Variants in ATP9B observed in about 807,000 individuals in gnomAD.
ATP9B encodes ATPase phospholipid transporting 9B.
In ATP9B, 110 loss-of-function variants were observed where a neutral mutation model predicts 146.1. The ratio of observed to expected loss-of-function variants is 0.75; its 90% CI spans 0.65 to 0.88. The LOEUF (loss-of-function observed/expected upper bound fraction) is 0.88. Among genes scored for constraint, ATP9B ranks in the 40% least tolerant of loss-of-function variants. The pLI, the probability that ATP9B is intolerant of heterozygous loss-of-function variation, is 0.00. For missense variants in ATP9B, 1,499 were observed against 1,496.4 expected (o/e 1.00, Z -0.03); for synonymous variants, 604 against 569.7 (o/e 1.06, Z -0.86).
Position 79,377,477 on chromosome 18 carries a change from A to AC in ATP9B, c.*96dup. 6.8e-7 allele frequency: 1 copy of AC among 1,472,734 alleles called. No homozygotes were observed. The highest frequency in any genetic ancestry group is 2.4e-5 in the East Asian group (1 of 41,366). The allele number at this position is 1,472,734 out of a possible 1,614,324, so 91.2% of individuals were successfully genotyped here. On this transcript the variant is annotated 3_prime_UTR_variant, in exon 30 of 30. Coordinates refer to ENST00000426216, the MANE Select transcript of ATP9B (RefSeq NM_198531.5). ...AGTGAACGCAGGGTTTGCCATTGCT[A>AC]CCAAGCAAGCACCACAAGAAAGGGA...
At chr18:79,209,787 G>A (rs1452781373) in intron 10 of ATP9B, 5 of 546,616 alleles carry the variant, frequency 9.1e-6, no homozygotes, top group Non-Finnish European at 1.2e-5. Flanking sequence ...AGCTCTTTTA[G>A]TACATACATA....
At chr18:79,098,515 T>A (rs1376490364) in intron 2 of ATP9B, among the ~76,000 whole-genome samples, 1 of 150,776 alleles carries the variant, frequency 6.6e-6, no homozygotes, top group African/African-American at 2.5e-5. Flanking sequence ...GAATCTACAA[T>A]GAACTCAAAC....
chr18:79,305,877 C>G (rs1367777319), intron 14 of ATP9B, among the ~76,000 whole-genome samples: 1 of 152,190 alleles, frequency 6.6e-6, no homozygotes, highest in African/African-American at 2.4e-5. Context: ...CAACACAGAT[C>G]TTTTATAACC....
chr18:79,097,492 T>A (rs2074894821), intron 2 of ATP9B, among the ~76,000 whole-genome samples: 1 of 150,532 alleles, frequency 6.6e-6, no homozygotes, highest in Non-Finnish European at 1.5e-5. Context: ...AATTTTTTAT[T>A]TTTTTATTTT....
At chr18:79,366,494 A>G (rs1303682685) in intron 26 of ATP9B, among the ~76,000 whole-genome samples, 4 of 152,270 alleles carry the variant, frequency 2.6e-5, no homozygotes, top group Non-Finnish European at 5.9e-5. Flanking sequence ...CAATAAGCCC[A>G]TGCATGGTAG....
intron 6 of ATP9B, among the ~76,000 whole-genome samples, chr18:79,152,085 A>G (rs1206699391): frequency 2.0e-5 from 3 of 152,248 alleles, no homozygotes; most frequent in South Asian, 4.1e-4. Flanking sequence ...GCTCATCATC[A>G]TTGGTCATTA....
At chr18:79,197,655 G>A (rs1003023435) in intron 9 of ATP9B, among the ~76,000 whole-genome samples, 1 of 152,186 alleles carries the variant, frequency 6.6e-6, no homozygotes, top group Non-Finnish European at 1.5e-5. Flanking sequence ...GAGGTCAGTA[G>A]AGGTGATGAA....
At chr18:79,219,734 T>C (rs964813914) in intron 11 of ATP9B, among the ~76,000 whole-genome samples, 4 of 152,136 alleles carry the variant, frequency 2.6e-5, no homozygotes, top group Non-Finnish European at 4.4e-5. Context: ...CATTACAGTG[T>C]GTATAGCAGG....
intron 6 of ATP9B, among the ~76,000 whole-genome samples, chr18:79,147,732 G>A (rs2094614604): frequency 6.6e-6 from 1 of 151,790 alleles, no homozygotes; most frequent in Non-Finnish European, 1.5e-5. Context: ...AGAGGTCTTG[G>A]GTCAGTAATC....
intron 11 of ATP9B, among the ~76,000 whole-genome samples, chr18:79,244,963 A>AT (rs145670327): frequency 0.02 from 3,043 of 152,300 alleles, 117 homozygotes; most frequent in African/African-American, 0.069. Flanking sequence ...AATAGAATCT[A>AT]TTTTTTATAT....
chr18:79,301,011 C>A (rs1195790798), intron 13 of ATP9B, among the ~76,000 whole-genome samples: 1 of 152,214 alleles, frequency 6.6e-6, no homozygotes, highest in Non-Finnish European at 1.5e-5. Context: ...TTATCTCAAT[C>A]TGCTAAGTAG....
intron 12 of ATP9B, among the ~76,000 whole-genome samples, chr18:79,256,559 A>G (rs1474894853): frequency 6.6e-6 from 1 of 151,444 alleles, no homozygotes; most frequent in Non-Finnish European, 1.5e-5. Flanking sequence ...TTTAACTTGA[A>G]GTGATACCCT....
In ATP9B at chr18:79,245,287, A is replaced by C. The variant is rs375627423; in HGVS notation, c.1108-8094A>C. Among the ~76,000 whole-genome samples, 3 of 152,304 alleles carry C rather than the reference A, an allele frequency of 2.0e-5. No homozygotes were observed. In the East Asian group the frequency reaches 5.8e-4, roughly 29 times the overall value. On this transcript the variant is annotated intron_variant, in intron 11 of 29. Transcript: ENST00000426216. Reference sequence around the variant, plus strand: ...AAACTGTGTATTAGACTGAAAACCAAATGCCACTTCTATGAATGATGTTGC... The same window carrying C: ...AAACTGTGTATTAGACTGAAAACCACATGCCACTTCTATGAATGATGTTGC...
chr18:79,186,236 T>G (rs1385694651), intron 8 of ATP9B, among the ~76,000 whole-genome samples: 1 of 152,238 alleles, frequency 6.6e-6, no homozygotes, highest in Non-Finnish European at 1.5e-5. Context: ...ATTTTATTTG[T>G]AATGAACCAC....
intron 7 of ATP9B, among the ~76,000 whole-genome samples, chr18:79,175,647 A>G (rs778398803): frequency 2.0e-5 from 3 of 152,374 alleles, no homozygotes; most frequent in African/African-American, 2.4e-5. Context: ...ACCAATATGC[A>G]CACACACAGA....
chr18:79,177,440 G>T (rs2095190381), intron 8 of ATP9B, among the ~76,000 whole-genome samples: 3 of 151,070 alleles, frequency 2.0e-5, no homozygotes, highest in Non-Finnish European at 4.4e-5. Flanking sequence ...TGGGGGTCTT[G>T]CTATGTTGCC....
chr18:79,196,522 A>G (rs1178304920), intron 9 of ATP9B, among the ~76,000 whole-genome samples: 3 of 152,234 alleles, frequency 2.0e-5, no homozygotes, highest in Non-Finnish European at 2.9e-5. Flanking sequence ...AGGCAGTCAG[A>G]GACTATTGAA....
chr18:79,118,795 G>A (rs1412507488), intron 4 of ATP9B, among the ~76,000 whole-genome samples: 2 of 151,818 alleles, frequency 1.3e-5, no homozygotes, highest in African/African-American at 4.8e-5. Context: ...TCGTTTCCCG[G>A]CTGGGTGCTC....
At chr18:79,345,068 T>A (rs1432146278) in intron 21 of ATP9B, among the ~76,000 whole-genome samples, 2 of 152,122 alleles carry the variant, frequency 1.3e-5, no homozygotes, top group Non-Finnish European at 2.9e-5. Context: ...CCCCAGAACG[T>A]CACCGGGTCA....
Sources: gnomAD v4.1 joint callset for allele counts (sites outside exome capture counted in the v4.1 genomes callset) on GRCh38, gnomAD v4.1.1 for gene constraint, MANE v1.5 for transcripts, NCBI Gene and HGNC (gene_info 2026-07-23, HGNC 2026-07-21) for gene names.